Variants in TAFA1 observed in about 807,000 individuals in gnomAD.
The protein encoded by TAFA1 is chemokine-like protein TAFA-1.
In TAFA1, 4 loss-of-function variants were observed where a neutral mutation model predicts 18.5. The ratio of observed to expected loss-of-function variants is 0.22; its 90% confidence interval spans 0.11 to 0.49. The LOEUF (loss-of-function observed/expected upper bound fraction) is 0.49, where lower values mean the gene tolerates loss of function less well. Ranked by LOEUF, TAFA1 falls within the 20% of genes least tolerant of loss-of-function variation. The pLI, the probability that TAFA1 is intolerant of heterozygous loss-of-function variation, is 0.98. For missense variants in TAFA1, 147 were observed against 169.0 expected, an observed-to-expected ratio of 0.87 and a Z score of 0.72; for synonymous variants, 56 against 55.2, an observed-to-expected ratio of 1.01 and a Z score of -0.06.
chr3:68,100,457 G>T (rs918307929), intron 2 of TAFA1, among the ~76,000 whole-genome samples: 2 of 152,262 alleles, frequency 1.3e-5, no homozygotes, highest in Non-Finnish European at 2.9e-5. Context: ...CTGGGCAACA[G>T]AGGGTGTTGG....
At chr3:68,383,515 A>T (rs2070026105) in intron 2 of TAFA1, among the ~76,000 whole-genome samples, 1 of 152,140 alleles carries the variant, frequency 6.6e-6, no homozygotes, top group African/African-American at 2.4e-5. Context: ...CAAACTTTGC[A>T]TTCCAGGGGT....
chr3:68,067,690 CAA>C (rs1267547152), intron 2 of TAFA1, among the ~76,000 whole-genome samples: 2 of 152,122 alleles, frequency 1.3e-5, no homozygotes, highest in African/African-American at 2.4e-5. Flanking sequence ...ATCCGGTAGC[CAA>C]CTTTTCTTCC....
At chr3:68,227,062 A>C (rs1255157378) in intron 2 of TAFA1, among the ~76,000 whole-genome samples, 1 of 152,220 alleles carries the variant, frequency 6.6e-6, no homozygotes, top group Non-Finnish European at 1.5e-5. Context: ...AGATGCACAC[A>C]AATGAAACAA....
At chr3:68,027,596 C>A (rs1417029746) in intron 2 of TAFA1, among the ~76,000 whole-genome samples, 1 of 152,170 alleles carries the variant, frequency 6.6e-6, no homozygotes, top group East Asian at 1.9e-4. Context: ...TCAGTGAAAA[C>A]CCCCAGGTCT....
chr3:68,300,113 T>C (rs557519073), intron 2 of TAFA1, among the ~76,000 whole-genome samples: 56 of 152,280 alleles, frequency 3.7e-4, no homozygotes, highest in Non-Finnish European at 5.7e-4. Context: ...GGTAGATCCA[T>C]TGATAGCTTA....
At chr3:68,434,949 C>T (rs1470274512) in intron 3 of TAFA1, among the ~76,000 whole-genome samples, 1 of 152,104 alleles carries the variant, frequency 6.6e-6, no homozygotes, top group African/African-American at 2.4e-5. Context: ...TAATACTGAG[C>T]ATCAGATAGA....
intron 2 of TAFA1, among the ~76,000 whole-genome samples, chr3:68,392,766 A>C (rs534798445): frequency 6.6e-6 from 1 of 152,336 alleles, no homozygotes; most frequent in South Asian, 2.1e-4. Context: ...TGCTAAGTAA[A>C]TAACAAAATG....
intron 3 of TAFA1, among the ~76,000 whole-genome samples, chr3:68,465,418 T>C (rs894618915): frequency 6.6e-6 from 1 of 152,210 alleles, no homozygotes; most frequent in African/African-American, 2.4e-5. Context: ...ATTATTAATT[T>C]GGATGTTCCA....
At chr3:68,369,719 T>C (rs915145288) in intron 2 of TAFA1, among the ~76,000 whole-genome samples, 1 of 152,230 alleles carries the variant, frequency 6.6e-6, no homozygotes, top group African/African-American at 2.4e-5. Flanking sequence ...TCAATATAAA[T>C]TGATGCTGCC....
At chr3:68,126,371 A>G (rs2065465080) in intron 2 of TAFA1, among the ~76,000 whole-genome samples, 1 of 152,188 alleles carries the variant, frequency 6.6e-6, no homozygotes, top group Admixed American at 6.5e-5. Flanking sequence ...AATTGTACTT[A>G]CTAAATGTGG....
intron 2 of TAFA1, among the ~76,000 whole-genome samples, chr3:68,352,272 A>G (rs2069283496): frequency 6.6e-6 from 1 of 151,992 alleles, no homozygotes; most frequent in African/African-American, 2.4e-5. Flanking sequence ...AACAAGAGAA[A>G]ACAAGCAGGT....
chr3:68,305,932 T>G (rs541476174), intron 2 of TAFA1, among the ~76,000 whole-genome samples: 2 of 152,216 alleles, frequency 1.3e-5, no homozygotes, highest in East Asian at 3.9e-4. Flanking sequence ...AATGAGCAAA[T>G]ACAGCACCTA....
intron 2 of TAFA1, among the ~76,000 whole-genome samples, chr3:68,241,010 T>G (rs1467588869): frequency 6.6e-6 from 1 of 152,148 alleles, no homozygotes; most frequent in Admixed American, 6.5e-5. Context: ...TTTGATATTT[T>G]TATTTGATTG....
chr3:68,008,900 C>T (rs1382237167), intron 2 of TAFA1, among the ~76,000 whole-genome samples: 1 of 152,004 alleles, frequency 6.6e-6, no homozygotes, highest in Non-Finnish European at 1.5e-5. Context: ...GCTCTCATTC[C>T]CCATTTATAG....
intron 2 of TAFA1, among the ~76,000 whole-genome samples, chr3:68,312,825 G>A (rs781039334): frequency 6.6e-6 from 1 of 152,154 alleles, no homozygotes; most frequent in Non-Finnish European, 1.5e-5. Flanking sequence ...ACAATTTATT[G>A]TATTAGTCCA....
intron 2 of TAFA1, among the ~76,000 whole-genome samples, chr3:68,029,411 G>A (rs548137371): frequency 5.9e-5 from 9 of 152,056 alleles, no homozygotes; most frequent in Non-Finnish European, 1.2e-4. Context: ...TCTGCTTTTA[G>A]ATTTTATAAA....
At chr3:68,435,568 G>C (rs1385127535) in intron 3 of TAFA1, among the ~76,000 whole-genome samples, 1 of 152,152 alleles carries the variant, frequency 6.6e-6, no homozygotes, top group African/African-American at 2.4e-5. Context: ...ATAAACCCAA[G>C]AAATGTCAGA....
Position 68,509,306 on chromosome 3 carries a change from T to A in TAFA1, c.260-29450T>A, listed in dbSNP as rs1166160839. Among the ~76,000 whole-genome samples the A allele has an allele frequency of 3.3e-5, 5 of 152,056 alleles. No individual in the cohort carries two copies. In the East Asian group the frequency reaches 9.7e-4, roughly 30 times the overall value. ...TGGTCTCATTAGAGTTCGTTTCATG[T>A]CCATCCTACCCTGCGTCAAGGTAGA... On this transcript the variant is annotated intron_variant, in intron 3 of 4. Coordinates refer to ENST00000478136, the MANE Select transcript of TAFA1 (RefSeq NM_213609.4).
chr3:68,512,254 C>A (rs749527254), intron 3 of TAFA1, among the ~76,000 whole-genome samples: 1 of 152,106 alleles, frequency 6.6e-6, no homozygotes, highest in Non-Finnish European at 1.5e-5. Flanking sequence ...TTTGTATTTG[C>A]TTCCCACAAT....
Sources: gnomAD v4.1 joint callset for allele counts (sites outside exome capture counted in the v4.1 genomes callset) on GRCh38, gnomAD v4.1.1 for gene constraint, MANE v1.5 for transcripts, NCBI Gene and HGNC (gene_info 2026-07-23, HGNC 2026-07-21) for gene names.